Variants in MECOM observed in about 807,000 individuals in gnomAD.
The protein encoded by MECOM is MDS1 and EVI1 complex locus.
In MECOM, 13 loss-of-function variants were observed where a neutral mutation model predicts 116.3. The observed-to-expected ratio is 0.11, with a 90% confidence interval of 0.07 to 0.18. The LOEUF (loss-of-function observed/expected upper bound fraction) is 0.18, where lower values mean the gene tolerates loss of function less well. Ranked by LOEUF, MECOM falls within the 10% of genes least tolerant of loss-of-function variation. MECOM has a pLI of 1.00. For synonymous variants in MECOM, 528 were observed against 535.2 expected, an observed-to-expected ratio of 0.99 and a Z score of 0.19; for missense variants, 1,299 against 1,509.0, an observed-to-expected ratio of 0.86 and a Z score of 2.31.
chr3:169,091,718 G>T (rs1719778012), intron 14 of MECOM, among the ~76,000 whole-genome samples: 1 of 151,996 alleles, frequency 6.6e-6, no homozygotes, highest in Admixed American at 6.6e-5. Flanking sequence ...CTCAGAGACT[G>T]GAAGGGTCTT....
chr3:169,217,848 A>G (rs1320739821), intron 2 of MECOM, among the ~76,000 whole-genome samples: 1 of 149,352 alleles, frequency 6.7e-6, no homozygotes, highest in Non-Finnish European at 1.5e-5. Flanking sequence ...TATGTAATAT[A>G]TATATATATA....
intron 1 of MECOM, among the ~76,000 whole-genome samples, chr3:169,442,253 G>A (rs1357736143): frequency 6.6e-6 from 1 of 152,096 alleles, no homozygotes; most frequent in Non-Finnish European, 1.5e-5. Flanking sequence ...TAGAGACGGG[G>A]TTTCACCATG....
At chr3:169,481,593 A>T (rs1299305823) in intron 1 of MECOM, among the ~76,000 whole-genome samples, 2 of 152,050 alleles carry the variant, frequency 1.3e-5, no homozygotes, top group African/African-American at 4.8e-5. Context: ...AAAAAACTAA[A>T]AACTTTTCAC....
intron 2 of MECOM, among the ~76,000 whole-genome samples, chr3:169,326,132 C>G (rs566750597): frequency 6.6e-6 from 1 of 151,976 alleles, no homozygotes; most frequent in Non-Finnish European, 1.5e-5. Flanking sequence ...GGAAGCCTCT[C>G]GGTGGAGGCA....
At chr3:169,485,984 A>ATGT (rs1491408507) in intron 1 of MECOM, among the ~76,000 whole-genome samples, 2 of 101,840 alleles carry the variant, frequency 2.0e-5, no homozygotes, top group African/African-American at 4.7e-5. Flanking sequence ...ATATATATAT[A>ATGT]GTATATATAT....
At chr3:169,492,426 A>C (rs1753210836) in intron 1 of MECOM, among the ~76,000 whole-genome samples, 1 of 152,204 alleles carries the variant, frequency 6.6e-6, no homozygotes, top group Non-Finnish European at 1.5e-5. Context: ...CATCCACTGA[A>C]GATTATTCTG....
intron 4 of MECOM, among the ~76,000 whole-genome samples, chr3:169,130,480 C>A (rs924448329): frequency 6.6e-6 from 1 of 151,242 alleles, no homozygotes; most frequent in Non-Finnish European, 1.5e-5. Context: ...CAGCCCTCCC[C>A]CTCCCCCTGC....
At chr3:169,485,796 G>C (rs1752052758) in intron 1 of MECOM, among the ~76,000 whole-genome samples, 1 of 148,414 alleles carries the variant, frequency 6.7e-6, no homozygotes, top group Non-Finnish European at 1.5e-5. Context: ...AGATAACTTT[G>C]AAATGTACAA....
rs1232328261 is a variant in MECOM at position 169,485,975 on chromosome 3, T to TAC, written c.38-104452_38-104451insGT. 4.7e-4 allele frequency among the ~76,000 whole-genome samples: 32 copies of TAC among 67,646 alleles called. 1 individual carries two copies. Among genetic ancestry groups the TAC allele is most frequent in the African/African-American group, 2.3e-3 (29 of 12,872 alleles). The allele number at this position is 67,646 out of a possible 152,430, so 44.4% of individuals were successfully genotyped here. A position where few individuals can be genotyped will look rare whatever the true frequency, so the allele number is the denominator to read the frequency against. ...TATGTACATATATACTATATATACA[T>TAC]ATATATATAGTATATATATGTATAT... On this transcript the variant is annotated intron_variant, in intron 1 of 16. Transcript: ENST00000651503.
At chr3:169,216,239 A>T (rs116705891) in intron 2 of MECOM, among the ~76,000 whole-genome samples, 2,472 of 152,248 alleles carry the variant, frequency 0.016, 76 homozygotes, top group African/African-American at 0.056. Flanking sequence ...GGTGAAAATA[A>T]CCTTATTTGG....
intron 2 of MECOM, among the ~76,000 whole-genome samples, chr3:169,331,909 G>A (rs1722788721): frequency 6.6e-6 from 1 of 151,530 alleles, no homozygotes; most frequent in Non-Finnish European, 1.5e-5. Flanking sequence ...GAGTCAGTGA[G>A]CAAGTGAGAT....
chr3:169,546,390 G>A (rs1760724391), intron 1 of MECOM, among the ~76,000 whole-genome samples: 1 of 152,150 alleles, frequency 6.6e-6, no homozygotes, highest in Admixed American at 6.5e-5. Context: ...TGTTGGGATG[G>A]AAGGGGCTTT....
intron 1 of MECOM, among the ~76,000 whole-genome samples, chr3:169,601,928 T>C (rs978595515): frequency 1.3e-5 from 2 of 152,218 alleles, no homozygotes; most frequent in Non-Finnish European, 2.9e-5. Context: ...TGATTGGTCA[T>C]GAGCCTCAAA....
At chr3:169,506,641 T>A (rs1755259923) in intron 1 of MECOM, among the ~76,000 whole-genome samples, 1 of 152,130 alleles carries the variant, frequency 6.6e-6, no homozygotes. Context: ...CTTCCAGGGG[T>A]TATATATTTA....
At chr3:169,631,126 G>T (rs765895028) in intron 1 of MECOM, among the ~76,000 whole-genome samples, 1 of 152,244 alleles carries the variant, frequency 6.6e-6, no homozygotes, top group African/African-American at 2.4e-5. Context: ...CAGTGCCCTG[G>T]CTTCAAAGCC....
chr3:169,374,868 A>C (rs1004365879), intron 2 of MECOM, among the ~76,000 whole-genome samples: 7 of 151,894 alleles, frequency 4.6e-5, no homozygotes, highest in African/African-American at 1.7e-4. Context: ...CCCCATCTCT[A>C]CAAAAGATGT....
intron 11 of MECOM, 57 bp from the exon 12 acceptor site, chr3:169,101,019 A>AT (rs1723384936): frequency 2.4e-6 from 3 of 1,247,870 alleles, no homozygotes; most frequent in Non-Finnish European, 3.5e-6. Flanking sequence ...TATTTCACTC[A>AT]TGCCACACAG....
At chr3:169,175,578 C>T (rs1251153948) in intron 2 of MECOM, among the ~76,000 whole-genome samples, 3 of 152,152 alleles carry the variant, frequency 2.0e-5, no homozygotes, top group Admixed American at 2.0e-4. Context: ...TGGTCCAAAG[C>T]ATTTTGGATA....
In MECOM at chr3:169,556,685, C is replaced by T. The variant is rs533464481; in HGVS notation, c.37+106651G>A. Among the ~76,000 whole-genome samples, 187 of 152,218 alleles carry T rather than the reference C, an allele frequency of 1.2e-3. No homozygotes were observed. The Middle Eastern group carries it at 0.031, about 25-fold the overall frequency. On this transcript the variant is annotated intron_variant, in intron 1 of 16. Coordinates refer to ENST00000651503, the MANE Select transcript of MECOM (RefSeq NM_004991.4). ...TCATAAAAAGCAGCATGTGTCCACA[C>T]ACATCACTCCCTTGAGGGGAGGCCA... is the stretch of plus-strand genomic sequence containing the variant.
Sources: gnomAD v4.1 joint callset for allele counts (sites outside exome capture counted in the v4.1 genomes callset) on GRCh38, gnomAD v4.1.1 for gene constraint, MANE v1.5 for transcripts, NCBI Gene and HGNC (gene_info 2026-07-23, HGNC 2026-07-21) for gene names.